ACOXL: variants seen among roughly 807,000 people sequenced by gnomAD.
The protein encoded by ACOXL is acyl-coenzyme A oxidase-like protein.
ACOXL carries 70 observed loss-of-function variants against 71.9 expected under a neutral mutation model. The observed-to-expected ratio is 0.97, with a 90% confidence interval of 0.80 to 1.19. The LOEUF is 1.19. Ranked by LOEUF, ACOXL falls within the 50% of genes most tolerant of loss-of-function variation. The pLI is 0.00. For synonymous variants in ACOXL, 253 were observed against 281.6 expected, an observed-to-expected ratio of 0.90 and a Z score of 1.02; for missense variants, 703 against 736.3, an observed-to-expected ratio of 0.95 and a Z score of 0.52.
intron 11 of ACOXL, among the ~76,000 whole-genome samples, chr2:110,927,014 A>G (rs1211804437): frequency 6.6e-6 from 1 of 152,184 alleles, no homozygotes; most frequent in Admixed American, 6.5e-5. Context: ...TATGAAGAAA[A>G]GAGGTTTAAT....
At chr2:110,794,939 A>C (rs1573548005) in intron 5 of ACOXL, among the ~76,000 whole-genome samples, 1 of 148,694 alleles carries the variant, frequency 6.7e-6, no homozygotes, top group African/African-American at 2.5e-5. Context: ...TCCTACACGC[A>C]CCCCGCCCCC....
intron 12 of ACOXL, among the ~76,000 whole-genome samples, chr2:110,961,177 C>G (rs2061687700): frequency 1.3e-5 from 2 of 152,218 alleles, no homozygotes; most frequent in Non-Finnish European, 2.9e-5. Flanking sequence ...TCCCTGCAAG[C>G]TGTTTGAGGG....
chr2:110,935,108 G>T (rs1261422898), intron 12 of ACOXL, among the ~76,000 whole-genome samples: 3 of 152,116 alleles, frequency 2.0e-5, no homozygotes, highest in African/African-American at 7.2e-5. Flanking sequence ...GTCAGCAGGT[G>T]GGGGGTATGA....
At chr2:110,957,280 T>C (rs2061535222) in intron 12 of ACOXL, among the ~76,000 whole-genome samples, 1 of 152,156 alleles carries the variant, frequency 6.6e-6, no homozygotes, top group South Asian at 2.1e-4. Flanking sequence ...AGGTGCTACT[T>C]ACTGAGTGGC....
intron 10 of ACOXL, among the ~76,000 whole-genome samples, chr2:110,877,229 T>C (rs1017997373): frequency 1.3e-5 from 2 of 152,228 alleles, no homozygotes; most frequent in Admixed American, 6.5e-5. Context: ...CAGAGGGTCG[T>C]GCTGGCTGCC....
At chr2:110,849,767 A>G (rs1692375468) in intron 10 of ACOXL, among the ~76,000 whole-genome samples, 1 of 152,088 alleles carries the variant, frequency 6.6e-6, no homozygotes, top group Non-Finnish European at 1.5e-5. Flanking sequence ...CAAACAAACA[A>G]ACAAACAAAC....
intron 1 of ACOXL, among the ~76,000 whole-genome samples, chr2:110,749,956 A>G (rs149631076): frequency 1.6e-4 from 25 of 152,152 alleles, no homozygotes; most frequent in Non-Finnish European, 3.5e-4. Context: ...ATGTCTCTCA[A>G]TTTGGGTTTG....
chr2:110,790,198 G>C (rs1431110421), intron 3 of ACOXL, among the ~76,000 whole-genome samples: 11 of 152,204 alleles, frequency 7.2e-5, no homozygotes, highest in Admixed American at 7.2e-4. Flanking sequence ...GTGGCTGGGG[G>C]CCCAGCCCCA....
chr2:110,925,568 G>T (rs925132827), intron 11 of ACOXL, among the ~76,000 whole-genome samples: 1 of 152,206 alleles, frequency 6.6e-6, no homozygotes, highest in Non-Finnish European at 1.5e-5. Context: ...CTCAGCCTTT[G>T]TAGAATTGAA....
chr2:110,972,022 T>C (rs1434486894), intron 12 of ACOXL, among the ~76,000 whole-genome samples: 1 of 152,210 alleles, frequency 6.6e-6, no homozygotes, highest in Non-Finnish European at 1.5e-5. Flanking sequence ...AAAGGCTGTT[T>C]AGTGTGTTAT....
chr2:110,902,747 C>T (rs17466548), intron 10 of ACOXL, among the ~76,000 whole-genome samples: 47,380 of 152,074 alleles, frequency 0.31, 7,747 homozygotes, highest in Middle Eastern at 0.37. Flanking sequence ...AATATTTGCC[C>T]TCTGAGTTTG....
chr2:110,936,968 C>T (rs557600686), intron 12 of ACOXL, among the ~76,000 whole-genome samples: 1 of 152,236 alleles, frequency 6.6e-6, no homozygotes, highest in South Asian at 2.1e-4. Context: ...CTCCCTCAGC[C>T]TCCTGAGTAG....
intron 13 of ACOXL, among the ~76,000 whole-genome samples, chr2:110,992,391 T>C (rs2063211142): frequency 6.6e-6 from 1 of 152,202 alleles, no homozygotes; most frequent in Non-Finnish European, 1.5e-5. Context: ...TAAGCATTGG[T>C]GATCAGCAGT....
intron 16 of ACOXL, among the ~76,000 whole-genome samples, chr2:111,076,245 G>A (rs972952665): frequency 6.6e-6 from 1 of 151,962 alleles, no homozygotes; most frequent in Non-Finnish European, 1.5e-5. Context: ...TTTCCATTCT[G>A]TCTGGTTTTT....
chr2:110,886,898 C>T (rs10188079), intron 10 of ACOXL: 514,508 of 1,547,744 alleles, frequency 0.33, 88,287 homozygotes, highest in Non-Finnish European at 0.35. Flanking sequence ...TACGCTTGCT[C>T]GTGAAATCAG....
intron 14 of ACOXL, among the ~76,000 whole-genome samples, chr2:111,006,374 G>A (rs537029903): frequency 3.5e-4 from 54 of 152,304 alleles, no homozygotes; most frequent in East Asian, 1.7e-3. Flanking sequence ...AAAGCTATGC[G>A]TGATGGTTCA....
intron 11 of ACOXL, among the ~76,000 whole-genome samples, chr2:110,918,392 T>G (rs1366713850): frequency 6.6e-6 from 1 of 152,162 alleles, no homozygotes; most frequent in East Asian, 1.9e-4. Context: ...TCCTTACACC[T>G]TATGCAAAAA....
At chr2:111,080,168 A>G (rs1245943694) in intron 16 of ACOXL, among the ~76,000 whole-genome samples, 1 of 150,340 alleles carries the variant, frequency 6.7e-6, no homozygotes, top group Non-Finnish European at 1.5e-5. Context: ...TCAAAAAACC[A>G]GCTCCTGGAT....
chr2:111,045,291 C>T (rs2065960068), intron 15 of ACOXL, among the ~76,000 whole-genome samples: 1 of 152,086 alleles, frequency 6.6e-6, no homozygotes, highest in African/African-American at 2.4e-5. Flanking sequence ...AGGTTTTTTC[C>T]TCCTATTTAA....
Sources: gnomAD v4.1 joint callset for allele counts (sites outside exome capture counted in the v4.1 genomes callset) on GRCh38, gnomAD v4.1.1 for gene constraint, MANE v1.5 for transcripts, NCBI Gene and HGNC (gene_info 2026-07-23, HGNC 2026-07-21) for gene names.